The following PRKCH variants were observed in gnomAD, a reference collection of about 807,000 sequenced individuals.
PRKCH encodes the protein protein kinase C eta type.
A neutral mutation model predicts 82.5 loss-of-function variants in PRKCH; 28 were observed. The observed-to-expected ratio is 0.34, with a 90% CI of 0.25 to 0.47. PRKCH has a LOEUF of 0.47. Among genes scored for constraint, PRKCH ranks in the 20% least tolerant of loss-of-function variants. The pLI is 1.00. For synonymous variants in PRKCH, 322 were observed against 327.4 expected (o/e 0.98, Z 0.18); for missense variants, 705 against 881.8 (o/e 0.80, Z 2.54).
chr14:61,379,412 C>A (rs10149384), intron 1 of PRKCH, among the ~76,000 whole-genome samples: 33,509 of 152,162 alleles, frequency 0.22, 4,739 homozygotes, highest in African/African-American at 0.4. Context: ...TCCAAAGTTT[C>A]CCTGCAGACT....
chr14:61,548,019 C>G (rs1566939217), intron 13 of PRKCH, 133 bp downstream of exon 13: 5 of 1,202,068 alleles, frequency 4.2e-6, no homozygotes, highest in South Asian at 3.1e-5. Context: ...CACAGGGCAG[C>G]CTCCCCTGGG....
At chr14:61,352,698 G>GA (rs1555378088) in intron 1 of PRKCH, among the ~76,000 whole-genome samples, 1 of 120,458 alleles carries the variant, frequency 8.3e-6, no homozygotes, top group Non-Finnish European at 1.7e-5. Context: ...AGGAAAGAAA[G>GA]AAAGAAAGAA....
upstream of PRKCH, among the ~76,000 whole-genome samples, chr14:61,316,911 G>T (rs1690097899): frequency 6.6e-6 from 1 of 152,180 alleles, no homozygotes; most frequent in Non-Finnish European, 1.5e-5. Context: ...TGAGGAACAG[G>T]GAGAGGGGAG....
chr14:61,477,813 G>T (rs1038725380), intron 9 of PRKCH, among the ~76,000 whole-genome samples: 2 of 152,204 alleles, frequency 1.3e-5, no homozygotes, highest in Non-Finnish European at 2.9e-5. Context: ...TGTCCCAACA[G>T]CTGGGCTAGG....
chr14:61,536,608 A>G (rs1284192820), intron 12 of PRKCH, among the ~76,000 whole-genome samples: 1 of 152,126 alleles, frequency 6.6e-6, no homozygotes, highest in Non-Finnish European at 1.5e-5. Flanking sequence ...TATTATTATT[A>G]TTCTATATCT....
intron 1 of PRKCH, among the ~76,000 whole-genome samples, chr14:61,286,777 A>C (rs1185677626): frequency 6.6e-6 from 1 of 151,302 alleles, no homozygotes; most frequent in Non-Finnish European, 1.5e-5. Context: ...ACTCCATCTC[A>C]AAAAAAAAGA....
At chr14:61,486,958 T>C (rs1375330485) in intron 10 of PRKCH, among the ~76,000 whole-genome samples, 1 of 152,236 alleles carries the variant, frequency 6.6e-6, no homozygotes, top group African/African-American at 2.4e-5. Flanking sequence ...GTTCCTATCA[T>C]AAACTCATGA....
chr14:61,300,471 A>G (rs950746157), intron 1 of PRKCH, among the ~76,000 whole-genome samples: 1 of 152,196 alleles, frequency 6.6e-6, no homozygotes, highest in Non-Finnish European at 1.5e-5. Flanking sequence ...CAAAGATCAC[A>G]ATGTGGGGTA....
rs147715141 is a variant in PRKCH at position 61,385,761 on chromosome 14, T to G, written c.364-5464T>G. 1.4e-3 allele frequency among the ~76,000 whole-genome samples: 217 copies of G among 152,318 alleles called. 2 individuals carry two copies. The highest frequency in any genetic ancestry group is 8.1e-3 in the South Asian group (39 of 4,826). ...TTTGAGATACCCAGGTCTATTTTAT[T>G]TACTCATTTGTTCCACAAACCATTT... On this transcript the variant is annotated intron_variant, in intron 1 of 13. Coordinates refer to ENST00000332981, the MANE Select transcript of PRKCH (RefSeq NM_006255.5).
chr14:61,462,315 G>A (rs1348109184), intron 9 of PRKCH, among the ~76,000 whole-genome samples: 3 of 152,142 alleles, frequency 2.0e-5, no homozygotes, highest in Non-Finnish European at 2.9e-5. Context: ...GCTGGAACCC[G>A]GGAGGCAGAG....
chr14:61,381,546 A>C (rs1287644527), intron 1 of PRKCH, among the ~76,000 whole-genome samples: 1 of 152,212 alleles, frequency 6.6e-6, no homozygotes, highest in Non-Finnish European at 1.5e-5. Context: ...TCGGGGGGAT[A>C]CCTTGTGTGT....
Position 61,347,079 on chromosome 14 carries a change from T to G in PRKCH, c.363+24615T>G, listed in dbSNP as rs191765867. On this transcript the variant is annotated intron_variant, in intron 1 of 13. Coordinates refer to ENST00000332981, the MANE Select transcript of PRKCH (RefSeq NM_006255.5). The stretch of plus-strand genomic sequence containing the variant: ...TTGTTTCTTTGAGTCCCTTTGAAAT[T>G]GCAAGTTGACGGGTGGGGACTGGTG... Among the ~76,000 whole-genome samples, 745 of 152,302 alleles carry G rather than the reference T, an allele frequency of 4.9e-3. 2 individuals carry two copies. Among genetic ancestry groups the G allele is most frequent in the Non-Finnish European group, 8.9e-3 (608 of 68,024 alleles).
chr14:61,322,497 AC>A (rs1035910965), intron 1 of PRKCH, 33 bp downstream of exon 1: 13 of 1,569,566 alleles, frequency 8.3e-6, no homozygotes, highest in East Asian at 2.3e-5. Flanking sequence ...CTTTGTGTCC[AC>A]CCAACCCCCG....
intron 1 of PRKCH, among the ~76,000 whole-genome samples, chr14:61,272,344 C>CTTTTTTTTTTTTTTTTTTTTTTTTT (rs1162331604): frequency 1.3e-4 from 3 of 23,622 alleles, no homozygotes; most frequent in African/African-American, 2.5e-4. Flanking sequence ...TTTTTTCTTT[C>CTTTTTTTTTTTTTTTTTTTTTTTTT]TTTTTTTTTT....
chr14:61,357,544 CTG>C (rs1243672822), intron 1 of PRKCH, among the ~76,000 whole-genome samples: 5 of 152,202 alleles, frequency 3.3e-5, no homozygotes, highest in African/African-American at 1.2e-4. Context: ...CAATGTGTTA[CTG>C]TCTCTTTCTC....
chr14:61,352,676 GAGA>G (rs1418280281), intron 1 of PRKCH, among the ~76,000 whole-genome samples: 2 of 124,678 alleles, frequency 1.6e-5, no homozygotes, highest in African/African-American at 6.2e-5. Flanking sequence ...GAGAGAGAGA[GAGA>G]GAAAGGAAAG....
At chr14:61,289,599 C>T (rs1250128792) in intron 1 of PRKCH, among the ~76,000 whole-genome samples, 3 of 152,176 alleles carry the variant, frequency 2.0e-5, no homozygotes, top group African/African-American at 7.2e-5. Flanking sequence ...CTCAGCTACT[C>T]AGGAGGCTGA....
chr14:61,365,589 C>T (rs779899928), intron 1 of PRKCH, among the ~76,000 whole-genome samples: 13 of 151,906 alleles, frequency 8.6e-5, no homozygotes, highest in Non-Finnish European at 1.5e-4. Context: ...CTGAGGGACA[C>T]GATAGATTTA....
At chr14:61,462,636 G>A (rs17098409) in intron 9 of PRKCH, among the ~76,000 whole-genome samples, 5,158 of 152,292 alleles carry the variant, frequency 0.034, 297 homozygotes, top group African/African-American at 0.12. Context: ...GCTATGAGAA[G>A]TTACAGCAGA....
Sources: gnomAD v4.1 joint callset for allele counts (sites outside exome capture counted in the v4.1 genomes callset) on GRCh38, gnomAD v4.1.1 for gene constraint, MANE v1.5 for transcripts, NCBI Gene and HGNC (gene_info 2026-07-23, HGNC 2026-07-21) for gene names.